Variants in CAMKMT observed in about 807,000 individuals in gnomAD.
CAMKMT encodes the protein calmodulin-lysine N-methyltransferase, also known as CaM KMT.
Under a neutral mutation model 48.0 loss-of-function variants are expected in CAMKMT, and 53 were observed. The ratio of observed to expected loss-of-function variants is 1.10; its 90% CI spans 0.89 to 1.39. The LOEUF is 1.39. Ranked by LOEUF, CAMKMT falls within the 40% of genes most tolerant of loss-of-function variation. CAMKMT has a pLI of 0.00. For synonymous variants in CAMKMT, 165 were observed against 152.3 expected, an observed-to-expected ratio of 1.08 and a Z score of -0.61; for missense variants, 428 against 402.7, an observed-to-expected ratio of 1.06 and a Z score of -0.54.
intron 3 of CAMKMT, among the ~76,000 whole-genome samples, chr2:44,594,235 C>T (rs1421314664): frequency 6.6e-6 from 1 of 152,108 alleles, no homozygotes; most frequent in Non-Finnish European, 1.5e-5. Flanking sequence ...GGCCATACTG[C>T]CCGAAGTAAT....
At chr2:44,726,566 A>G (rs1471506816) in intron 7 of CAMKMT, among the ~76,000 whole-genome samples, 1 of 152,102 alleles carries the variant, frequency 6.6e-6, no homozygotes, top group African/African-American at 2.4e-5. Flanking sequence ...CATTCTGTGT[A>G]TTGTCCATTT....
chr2:44,702,448 C>T (rs1385549065), intron 3 of CAMKMT, among the ~76,000 whole-genome samples: 1 of 152,092 alleles, frequency 6.6e-6, no homozygotes, highest in African/African-American at 2.4e-5. Flanking sequence ...GTGTTAGGAA[C>T]CATTCTAAAC....
chr2:44,766,432 G>A lies in CAMKMT; in HGVS notation c.765G>A (p.Gly255=). The A allele has an allele frequency of 6.2e-7, 1 of 1,614,050 alleles. No homozygotes were observed. Among genetic ancestry groups the A allele is most frequent in the African/African-American group, 1.3e-5 (1 of 75,038 alleles). Residue 255 remains glycine (G), a splice_region_variant and synonymous_variant, in exon 10 of 11, where the codon GGG becomes GGA. Coordinates refer to ENST00000378494, the MANE Select transcript of CAMKMT (RefSeq NM_024766.5). ...GAATTTCCTTTTTACTGTTCTAGGGGAAAGCGATGGTATTTGCCCCACGCC... is the reference window on the plus strand; with the variant it reads ...GAATTTCCTTTTTACTGTTCTAGGGAAAAGCGATGGTATTTGCCCCACGCC... ...DAIKRLLQPR[G]KAMVFAPRRG...
chr2:44,695,638 TG>T (rs1676901599), intron 3 of CAMKMT, among the ~76,000 whole-genome samples: 1 of 152,232 alleles, frequency 6.6e-6, no homozygotes, highest in Non-Finnish European at 1.5e-5. Context: ...TACATAGGGA[TG>T]TTTTTTAAGG....
chr2:44,596,938 A>G (rs1670705223), intron 3 of CAMKMT, among the ~76,000 whole-genome samples: 1 of 152,244 alleles, frequency 6.6e-6, no homozygotes, highest in African/African-American at 2.4e-5. Context: ...GAGAAAAACG[A>G]TCTTTTTATA....
intron 3 of CAMKMT, among the ~76,000 whole-genome samples, chr2:44,646,807 C>T (rs1183817803): frequency 6.6e-6 from 1 of 152,102 alleles, no homozygotes; most frequent in Non-Finnish European, 1.5e-5. Context: ...ACTAGATTCT[C>T]CAGGAAGGTA....
At chr2:44,606,924 C>T (rs538652702) in intron 3 of CAMKMT, among the ~76,000 whole-genome samples, 47 of 152,102 alleles carry the variant, frequency 3.1e-4, no homozygotes, top group African/African-American at 1.0e-3. Context: ...TTTTCATGAC[C>T]GTCTTGAACC....
chr2:44,733,795 T>C (rs1379861693), intron 7 of CAMKMT, among the ~76,000 whole-genome samples: 2 of 152,168 alleles, frequency 1.3e-5, no homozygotes, highest in Non-Finnish European at 2.9e-5. Context: ...TAAGCCCCAC[T>C]TGATCATGAT....
At chr2:44,446,626 C>T (rs373727675) in intron 3 of CAMKMT, among the ~76,000 whole-genome samples, 26 of 152,208 alleles carry the variant, frequency 1.7e-4, no homozygotes, top group African/African-American at 5.8e-4. Flanking sequence ...GATTACAGGC[C>T]GCGCCACTAT....
At chr2:44,402,740 G>GTTTTTT in intron 3 of CAMKMT, among the ~76,000 whole-genome samples, 5 of 94,100 alleles carry the variant, frequency 5.3e-5, no homozygotes, top group African/African-American at 1.7e-4. Context: ...TTGTTTTGCT[G>GTTTTTT]TTTTTTTTTT....
intron 3 of CAMKMT, among the ~76,000 whole-genome samples, chr2:44,555,009 G>A (rs1667931563): frequency 6.6e-6 from 1 of 152,130 alleles, no homozygotes; most frequent in South Asian, 2.1e-4. Context: ...AAGATAGGAT[G>A]GTTTTGAGGA....
intron 3 of CAMKMT, among the ~76,000 whole-genome samples, chr2:44,601,066 T>C (rs1670956943): frequency 6.6e-6 from 1 of 152,156 alleles, no homozygotes; most frequent in African/African-American, 2.4e-5. Context: ...TATATTTTGA[T>C]ACTTTTTAGT....
intron 3 of CAMKMT, among the ~76,000 whole-genome samples, chr2:44,451,885 A>G (rs562830671): frequency 6.6e-6 from 1 of 151,882 alleles, no homozygotes; most frequent in African/African-American, 2.4e-5. Context: ...TTTGATTGTA[A>G]TAGCCAATAG....
chr2:44,743,069 C>A (rs903378832), intron 7 of CAMKMT, among the ~76,000 whole-genome samples: 1 of 152,196 alleles, frequency 6.6e-6, no homozygotes, highest in Non-Finnish European at 1.5e-5. Context: ...TAAACCTGAT[C>A]CCCTTTGGGA....
At chr2:44,614,027 T>C (rs1671736189) in intron 3 of CAMKMT, among the ~76,000 whole-genome samples, 2 of 152,288 alleles carry the variant, frequency 1.3e-5, no homozygotes, top group East Asian at 3.9e-4. Flanking sequence ...TAAATACAAA[T>C]GTAGAAGGGG....
chr2:44,473,336 T>G (rs965173220), intron 3 of CAMKMT, among the ~76,000 whole-genome samples: 2 of 152,228 alleles, frequency 1.3e-5, no homozygotes, highest in African/African-American at 2.4e-5. Flanking sequence ...ATGTTAACAA[T>G]CTATGTTTTA....
chr2:44,534,308 A>G (rs920933916), intron 3 of CAMKMT, among the ~76,000 whole-genome samples: 10 of 152,160 alleles, frequency 6.6e-5, no homozygotes, highest in South Asian at 4.1e-4. Context: ...GTCTAATGCA[A>G]CTAGCATTAG....
At chr2:44,525,349 G>A (rs538566669) in intron 3 of CAMKMT, among the ~76,000 whole-genome samples, 19 of 151,818 alleles carry the variant, frequency 1.3e-4, no homozygotes, top group Non-Finnish European at 2.4e-4. Context: ...TCTGCCTCCC[G>A]GATTCAAGCA....
In CAMKMT at chr2:44,613,511, A is replaced by G. The variant is rs149075901; in HGVS notation, c.377-90772A>G. Reference sequence around the variant, plus strand: ...CCAGTTGTTAAAATATTTAATATTTAATATTACCTTTGGCTATATGCAAAG... The same window carrying G: ...CCAGTTGTTAAAATATTTAATATTTGATATTACCTTTGGCTATATGCAAAG... On this transcript the variant is annotated intron_variant, in intron 3 of 10. Coordinates refer to ENST00000378494, the MANE Select transcript of CAMKMT (RefSeq NM_024766.5). 3.3e-5 allele frequency among the ~76,000 whole-genome samples: 5 copies of G among 152,334 alleles called. No homozygotes were observed. In the East Asian group the frequency reaches 9.6e-4, roughly 29 times the overall value.
Sources: gnomAD v4.1 joint callset for allele counts (sites outside exome capture counted in the v4.1 genomes callset) on GRCh38, gnomAD v4.1.1 for gene constraint, MANE v1.5 for transcripts, NCBI Gene and HGNC (gene_info 2026-07-23, HGNC 2026-07-21) for gene names.